The following RPL28 variants were observed in gnomAD, a reference collection of about 807,000 sequenced individuals.
The protein encoded by RPL28 is ribosomal protein L28, also known as large ribosomal subunit protein eL28.
In RPL28, 4 loss-of-function variants were observed where a neutral mutation model predicts 12.5. That is an observed-to-expected ratio of 0.32 (90% CI 0.16 to 0.73). The LOEUF is 0.73. Among genes scored for constraint, RPL28 ranks in the 30% least tolerant of loss-of-function variants. The pLI is 0.66. For missense variants in RPL28, 214 were observed against 197.7 expected, an observed-to-expected ratio of 1.08 and a Z score of -0.49; for synonymous variants, 91 against 72.5, an observed-to-expected ratio of 1.26 and a Z score of -1.30.
Position 55,390,922 on chromosome 19 carries a change from T to C in RPL28, c.*2590T>C. On this transcript the variant is annotated 3_prime_UTR_variant, in exon 5 of 5. Transcript: ENST00000344063. Reference sequence around the variant, plus strand: ...TGGATGGGGCCATCTATTCCAGCTTTATTCACACAAATCATGTCTGTTGGC... The same window carrying C: ...TGGATGGGGCCATCTATTCCAGCTTCATTCACACAAATCATGTCTGTTGGC... The C allele has an allele frequency of 2.0e-6, 2 of 985,458 alleles. No individual in the cohort carries two copies. The highest frequency in any genetic ancestry group is 2.4e-6 in the Non-Finnish European group (2 of 829,944). The allele number at this position is 985,458 out of a possible 1,614,324, so 61.0% of individuals were successfully genotyped here.
At chr19:55,392,129 TGAAA>T (rs1170555547), downstream of RPL28, 6 of 988,346 alleles carry the variant, frequency 6.1e-6, no homozygotes, top group African/African-American at 1.7e-5. Flanking sequence ...AAACTGCAAA[TGAAA>T]GAAGAGTATG....
chr19:55,402,127 T>A (rs1220584986), intron 4 of RPL28, among the ~76,000 whole-genome samples: 1 of 152,152 alleles, frequency 6.6e-6, no homozygotes, highest in Non-Finnish European at 1.5e-5. Context: ...TGAATTTGCC[T>A]CCATGCAGTT....
At chr19:55,401,412 C>T (rs765970088) in intron 4 of RPL28, 166 of 1,540,818 alleles carry the variant, frequency 1.1e-4, no homozygotes, top group Non-Finnish European at 1.3e-4. Context: ...GTTGGGGTCA[C>T]GGTGGAAGGA....
rs890842192 is a variant in RPL28 at position 55,389,541 on chromosome 19, TGA to T, written c.*1213_*1214del. ...GTCTGAGACCACCCCCGGCTCTGAC[TGA>T]GAGTAAGGGGACTGTCAGGGCCTCG... On this transcript the variant is annotated 3_prime_UTR_variant, in exon 5 of 5. Coordinates refer to ENST00000344063, the MANE Select transcript of RPL28 (RefSeq NM_000991.5). 13 of 985,234 alleles carry T rather than the reference TGA, an allele frequency of 1.3e-5. No homozygotes were observed. In the African/African-American group the frequency reaches 1.9e-4, roughly 15 times the overall value. The allele number at this position is 985,234 out of a possible 1,614,324, so 61.0% of individuals were successfully genotyped here.
chr19:55,389,049 CCTGGGCCA>C lies in RPL28; in HGVS notation c.*719_*726del. The C allele has an allele frequency of 6.1e-6, 6 of 985,244 alleles. No individual in the cohort carries two copies. Among genetic ancestry groups the C allele is most frequent in the Non-Finnish European group, 7.2e-6 (6 of 829,876 alleles). The allele number at this position is 985,244 out of a possible 1,614,324, so 61.0% of individuals were successfully genotyped here. Reference sequence around the variant, plus strand: ...CTTAGGTCTCATCTCAGTGGCCGCTCCTGGGCCACCCTGTCACCCAAGCTTTCCTGATT... The same window carrying C: ...CTTAGGTCTCATCTCAGTGGCCGCTCCCCTGTCACCCAAGCTTTCCTGATT... On this transcript the variant is annotated 3_prime_UTR_variant, in exon 5 of 5. Coordinates refer to ENST00000344063, the MANE Select transcript of RPL28 (RefSeq NM_000991.5).
At position 55,391,746 on chromosome 19, in the gene RPL28, G is replaced by A; in HGVS notation, c.*3414G>A. 6.7e-7 allele frequency: 1 copy of A among 1,500,790 alleles called. No homozygotes were observed. The highest frequency in any genetic ancestry group is 1.2e-5 in the South Asian group (1 of 80,516). The allele number at this position is 1,500,790 out of a possible 1,614,324, so 93.0% of individuals were successfully genotyped here. A position where few individuals can be genotyped will look rare whatever the true frequency, so the allele number is the denominator to read the frequency against. ...CTGTGCCCACAAATCCTGATTGTAG[G>A]AATAAATTAATGACTTTTTATAAAT... On this transcript the variant is annotated 3_prime_UTR_variant, in exon 5 of 5. Coordinates refer to ENST00000344063, the MANE Select transcript of RPL28 (RefSeq NM_000991.5).
At chr19:55,393,670 T>G (rs2090005930), downstream of RPL28, among the ~76,000 whole-genome samples, 1 of 148,048 alleles carries the variant, frequency 6.8e-6, no homozygotes, top group South Asian at 2.2e-4. Context: ...TCTTGCTCTG[T>G]CGCCCTGGCT....
rs1249727865 is a variant in RPL28, at chr19:55,388,845, A to G, written c.*513A>G. ...GCCACATTTGGAGGGGATGGGCTTT[A>G]CTTGATGCAACCTCATCTCTGAGAT... On this transcript the variant is annotated 3_prime_UTR_variant, in exon 5 of 5. Transcript: ENST00000344063. The G allele has an allele frequency of 2.5e-5, 25 of 986,574 alleles. No homozygotes were observed. Among genetic ancestry groups the G allele is most frequent in the Middle Eastern group, 5.1e-4 (1 of 1,942 alleles). The allele number at this position is 986,574 out of a possible 1,614,324, so 61.1% of individuals were successfully genotyped here.
At chr19:55,392,966 G>A (rs1049772073), downstream of RPL28, among the ~76,000 whole-genome samples, 2 of 151,966 alleles carry the variant, frequency 1.3e-5, no homozygotes, top group Admixed American at 6.6e-5. Context: ...GGCCATCAGC[G>A]CTGCATTGAT....
rs954977173 is a variant in RPL28, at chr19:55,385,949, C to T, written c.-25C>T. On this transcript the variant is annotated 5_prime_UTR_variant, in exon 1 of 5. Transcript: ENST00000344063. The stretch of plus-strand genomic sequence containing the variant: ...TCGCCTTCCTCTTTCCGTCTCAGGT[C>T]GCCGCTGCGAAGGGAGGTGAGCGTT... The T allele has an allele frequency of 8.4e-6, 2 of 239,516 alleles. No individual in the cohort carries two copies. Among genetic ancestry groups the T allele is most frequent in the Non-Finnish European group, 1.7e-5 (2 of 116,060 alleles). 14.8% of individuals were successfully genotyped at this position (239,516 alleles called of 1,614,324 possible). A position where few individuals can be genotyped will look rare whatever the true frequency, so the allele number is the denominator to read the frequency against.
chr19:55,392,019 A>G lies in RPL28; in HGVS notation c.*3687A>G. The G allele has an allele frequency of 9.2e-7, 1 of 1,090,484 alleles. No individual in the cohort carries two copies. Among genetic ancestry groups the G allele is most frequent in the Non-Finnish European group, 1.1e-6 (1 of 897,134 alleles). The allele number at this position is 1,090,484 out of a possible 1,614,324, so 67.6% of individuals were successfully genotyped here. A position where few individuals can be genotyped will look rare whatever the true frequency, so the allele number is the denominator to read the frequency against. On this transcript the variant is annotated 3_prime_UTR_variant, in exon 5 of 5. Transcript: ENST00000344063. ...CAGCCCAGGCTGTTTGGCGCTGCCC[A>G]GGAATGGTATCAATTCCCCTGTTTC...
chr19:55,395,526 C>T (rs1298225264), downstream of RPL28, among the ~76,000 whole-genome samples: 2 of 151,282 alleles, frequency 1.3e-5, no homozygotes, highest in African/African-American at 4.9e-5. Context: ...TCACTGCAAG[C>T]TCCGCCTCCC....
rs1308745978 is a variant in RPL28 at position 55,391,856 on chromosome 19, A to G, written c.*3524A>G. On this transcript the variant is annotated 3_prime_UTR_variant, in exon 5 of 5. Transcript: ENST00000344063. ...CACAAACTAATGCTCGTGTTTCCCA[A>G]GCACCTGGAAGACATGCCAGATCCA... is the stretch of plus-strand genomic sequence containing the variant. 2 of 1,389,518 alleles carry G rather than the reference A, an allele frequency of 1.4e-6. No individual in the cohort carries two copies. The highest frequency in any genetic ancestry group is 2.9e-5 in the African/African-American group (2 of 68,446). 86.1% of individuals were successfully genotyped at this position (1,389,518 alleles called of 1,614,324 possible).
chr19:55,401,354 A>G, intron 4 of RPL28: 2 of 995,198 alleles, frequency 2.0e-6, no homozygotes, highest in Non-Finnish European at 2.9e-6. Flanking sequence ...GACCCCAGCC[A>G]TAATTTAAAT....
Position 55,389,329 on chromosome 19 carries a change from C to T in RPL28, c.*997C>T, listed in dbSNP as rs1189669323. On this transcript the variant is annotated 3_prime_UTR_variant, in exon 5 of 5. Transcript: ENST00000344063. ...AGCCCATGAGCCCCACCACTACACT[C>T]CAGCCTGGAAGACACCATGACACAC... 1.0e-6 allele frequency: 1 copy of T among 970,660 alleles called. No homozygotes were observed. Among genetic ancestry groups the T allele is most frequent in the African/African-American group, 1.8e-5 (1 of 54,340 alleles). 60.1% of individuals were successfully genotyped at this position (970,660 alleles called of 1,614,324 possible). A position where few individuals can be genotyped will look rare whatever the true frequency, so the allele number is the denominator to read the frequency against.
Position 55,391,420 on chromosome 19 carries a change from TC to T in RPL28, c.*3090del. The T allele has an allele frequency of 7.6e-7, 1 of 1,312,940 alleles. No individual in the cohort carries two copies. Among genetic ancestry groups the T allele is most frequent in the Non-Finnish European group, 9.7e-7 (1 of 1,026,510 alleles). 81.3% of individuals were successfully genotyped at this position (1,312,940 alleles called of 1,614,324 possible). On this transcript the variant is annotated 3_prime_UTR_variant, in exon 5 of 5. Coordinates refer to ENST00000344063, the MANE Select transcript of RPL28 (RefSeq NM_000991.5). ...TCACTGCTGTCTCTCCAGCTCTTAG[TC>T]CAGTAGCTGCATGGTGAGTGAGCGT...
intron 3 of RPL28, chr19:55,387,112 C>A (rs879185612): frequency 3.0e-6 from 4 of 1,338,860 alleles, no homozygotes; most frequent in Non-Finnish European, 2.0e-6. Context: ...CCATTTGATT[C>A]CCATTTTGCC....
chr19:55,390,469 T>G lies in RPL28; in HGVS notation c.*2137T>G. The stretch of plus-strand genomic sequence containing the variant: ...ACCCACCTGCCTCAGCCTCCCAAAG[T>G]GCTGGCATTACAGGCGCTCGAGGCT... On this transcript the variant is annotated 3_prime_UTR_variant, in exon 5 of 5. Coordinates refer to ENST00000344063, the MANE Select transcript of RPL28 (RefSeq NM_000991.5). 1 of 985,456 alleles carries G rather than the reference T, an allele frequency of 1.0e-6. No individual in the cohort carries two copies. The highest frequency in any genetic ancestry group is 1.2e-6 in the Non-Finnish European group (1 of 829,944). The allele number at this position is 985,456 out of a possible 1,614,324, so 61.0% of individuals were successfully genotyped here.
At chr19:55,393,363 G>A (rs77560641), downstream of RPL28, among the ~76,000 whole-genome samples, 105 of 148,990 alleles carry the variant, frequency 7.0e-4, 1 homozygote, top group East Asian at 0.02. Context: ...TAATCTCTGA[G>A]GCCTCTCTCC....
Sources: gnomAD v4.1 joint callset for allele counts (sites outside exome capture counted in the v4.1 genomes callset) on GRCh38, gnomAD v4.1.1 for gene constraint, MANE v1.5 for transcripts, NCBI Gene and HGNC (gene_info 2026-07-23, HGNC 2026-07-21) for gene names.